The following POLK variants were observed in gnomAD, a reference collection of about 807,000 sequenced individuals.
The protein encoded by POLK is polymerase (DNA directed) kappa.
POLK carries 76 observed loss-of-function variants against 94.0 expected under a neutral mutation model. The ratio of observed to expected loss-of-function variants is 0.81; its 90% CI spans 0.67 to 0.98. The LOEUF is 0.98. POLK is among the 50% of genes least tolerant of loss of function. The pLI is 0.00. For missense variants in POLK, 954 were observed against 1,010.1 expected (o/e 0.94, Z 0.75); for synonymous variants, 349 against 325.4 (o/e 1.07, Z -0.78).
At chr5:75,512,724 A>C (rs867911147) in intron 1 of POLK, 1 of 152,236 alleles carries the variant, frequency 6.6e-6, no homozygotes, top group Admixed American at 6.5e-5. Context: ...TAGCTATTTT[A>C]ATATAGTCGA....
upstream of POLK, chr5:75,511,433 C>T: frequency 6.5e-7 from 1 of 1,539,376 alleles, no homozygotes; most frequent in South Asian, 1.2e-5. Flanking sequence ...GCCTACCCTT[C>T]CAGCCGTCAG....
intron 10 of POLK, among the ~76,000 whole-genome samples, chr5:75,589,376 T>TAC (rs1561405096): frequency 8.4e-6 from 1 of 119,132 alleles, no homozygotes; most frequent in African/African-American, 3.3e-5. Context: ...TTATTTTATA[T>TAC]ATATACACAC....
At chr5:75,511,619 G>A (rs1168203066), upstream of POLK, 2 of 1,476,148 alleles carry the variant, frequency 1.4e-6, no homozygotes, top group Non-Finnish European at 9.0e-7. Context: ...TTCCTGCCTG[G>A]CCCACTATTT....
chr5:75,595,513 C>T (rs1340272889), intron 12 of POLK, among the ~76,000 whole-genome samples: 2 of 151,904 alleles, frequency 1.3e-5, no homozygotes, highest in Non-Finnish European at 2.9e-5. Flanking sequence ...TGATTCCAAC[C>T]ATATGAGATT....
chr5:75,520,480 G>A (rs902384974), intron 1 of POLK, among the ~76,000 whole-genome samples: 8 of 152,052 alleles, frequency 5.3e-5, no homozygotes, highest in Non-Finnish European at 8.8e-5. Flanking sequence ...CTGTAGTCTC[G>A]AACTCCTGGG....
chr5:75,609,854 C>A, the POLK span: 1 of 152,052 alleles, frequency 6.6e-6, no homozygotes, highest in Non-Finnish European at 1.5e-5. Context: ...TTTAATGCCT[C>A]AAATTTGGTG....
At chr5:75,511,630 ACCCTC>A, upstream of POLK, 1 of 1,480,796 alleles carries the variant, frequency 6.8e-7, no homozygotes, top group South Asian at 1.4e-5. Context: ...CCCACTATTT[ACCCTC>A]CCCTCCCCTG....
chr5:75,539,399 C>T (rs1442027258), intron 1 of POLK, among the ~76,000 whole-genome samples: 1 of 151,992 alleles, frequency 6.6e-6, no homozygotes, highest in East Asian at 1.9e-4. Flanking sequence ...CTATGGAAAC[C>T]ATCTTTTAAA....
chr5:75,545,071 G>T (rs564031416), intron 1 of POLK, among the ~76,000 whole-genome samples: 22 of 152,252 alleles, frequency 1.4e-4, no homozygotes, highest in Admixed American at 3.9e-4. Context: ...GAGCTTTGGC[G>T]TCACAGCTCT....
At chr5:75,608,354 C>T in the POLK span, among the ~76,000 whole-genome samples, 1 of 152,104 alleles carries the variant, frequency 6.6e-6, no homozygotes, top group Non-Finnish European at 1.5e-5. Flanking sequence ...CCACCACCAC[C>T]AGCTAATTTT....
In POLK at chr5:75,587,072, AT is replaced by A; in HGVS notation, c.1259+17del. The stretch of plus-strand genomic sequence containing the variant: ...GAGCGTTGAGAGGTAATGTTTTATT[AT>A]TTATTGTTAATTGTGCATAATTCAT... On this transcript the variant is annotated intron_variant, in intron 10 of 14. Coordinates refer to ENST00000241436, the Ensembl canonical transcript of POLK. 7.2e-7 allele frequency: 1 copy of A among 1,387,108 alleles called. No individual in the cohort carries two copies. Among genetic ancestry groups the A allele is most frequent in the Non-Finnish European group, 1.0e-6 (1 of 988,422 alleles). The allele number at this position is 1,387,108 out of a possible 1,614,324, so 85.9% of individuals were successfully genotyped here.
chr5:75,511,879 C>T lies in POLK; in HGVS notation c.-49C>T. ...GGCGTTGGTCCGTCGCTCGCGCAGC[C>T]TCCTGGGAGTTGTAGTCGCGATCCT... On this transcript the variant is annotated 5_prime_UTR_variant, in exon 1 of 15. Coordinates refer to ENST00000241436, the Ensembl canonical transcript of POLK. The T allele has an allele frequency of 1.3e-6, 2 of 1,500,472 alleles. No individual in the cohort carries two copies. Among genetic ancestry groups the T allele is most frequent in the South Asian group, 2.5e-5 (2 of 80,560 alleles). The allele number at this position is 1,500,472 out of a possible 1,614,324, so 92.9% of individuals were successfully genotyped here.
At chr5:75,589,381 A>G (rs1236212318) in intron 10 of POLK, among the ~76,000 whole-genome samples, 1 of 82,858 alleles carries the variant, frequency 1.2e-5, no homozygotes, top group East Asian at 3.1e-4. Flanking sequence ...TTATATATAT[A>G]CACACATACA....
intron 3 of POLK, among the ~76,000 whole-genome samples, chr5:75,557,453 C>T (rs1770694382): frequency 6.6e-6 from 1 of 152,200 alleles, no homozygotes; most frequent in South Asian, 2.1e-4. Flanking sequence ...TCTTCCTGTT[C>T]ATGAACATGG....
exon 15 of POLK, chr5:75,600,792 A>G (rs1773280457): frequency 6.6e-6 from 1 of 152,244 alleles, no homozygotes; most frequent in Non-Finnish European, 1.5e-5. Flanking sequence ...AAAGAAGCAA[A>G]TCACAGAAGG....
At chr5:75,542,610 T>C (rs577137600) in intron 1 of POLK, among the ~76,000 whole-genome samples, 136 of 150,488 alleles carry the variant, frequency 9.0e-4, no homozygotes, top group Non-Finnish European at 1.4e-3. Flanking sequence ...TATATACACA[T>C]ATACACATAT....
chr5:75,541,666 TTCTC>T lies in POLK; in HGVS notation c.-13-5341_-13-5338del, dbSNP rs529731821. Among the ~76,000 whole-genome samples the T allele has an allele frequency of 4.9e-3, 753 of 152,356 alleles. 5 individuals are homozygous for T. The highest frequency in any genetic ancestry group is 0.024 in the Middle Eastern group (7 of 294). On this transcript the variant is annotated intron_variant, in intron 1 of 14. Coordinates refer to ENST00000241436, the Ensembl canonical transcript of POLK. ...TGTGGAATTTCATTATTTCTGTTCT[TTCTC>T]TCAGTGACACATGTAAATGAGAAAA...
rs909166097 is a variant in POLK at position 75,552,665 on chromosome 5, A to G, written c.255+74A>G. 5 of 1,320,528 alleles carry G rather than the reference A, an allele frequency of 3.8e-6. No homozygotes were observed. The African/African-American group carries it at 7.4e-5, about 20-fold the overall frequency. 81.8% of individuals were successfully genotyped at this position (1,320,528 alleles called of 1,614,324 possible). A position where few individuals can be genotyped will look rare whatever the true frequency, so the allele number is the denominator to read the frequency against. On this transcript the variant is annotated intron_variant, in intron 3 of 14. Coordinates refer to ENST00000241436, the Ensembl canonical transcript of POLK. Reference sequence around the variant, plus strand: ...GACAGTTAAAATGTATTGTCAAGTCATAACTGAAAACAAGATGAAATGTAA... The same window carrying G: ...GACAGTTAAAATGTATTGTCAAGTCGTAACTGAAAACAAGATGAAATGTAA...
intron 3 of POLK, among the ~76,000 whole-genome samples, chr5:75,559,523 G>GTTTTTTTTTTTTTT (rs775525619): frequency 7.3e-5 from 4 of 54,678 alleles, no homozygotes; most frequent in Admixed American, 4.8e-4. Context: ...GTTTTGTTTT[G>GTTTTTTTTTTTTTT]TTTTTTTTTT....
Sources: gnomAD v4.1 joint callset for allele counts (sites outside exome capture counted in the v4.1 genomes callset) on GRCh38, gnomAD v4.1.1 for gene constraint, MANE v1.5 for transcripts, NCBI Gene and HGNC (gene_info 2026-07-23, HGNC 2026-07-21) for gene names.